Variants in TASP1 observed in about 807,000 individuals in gnomAD.
TASP1 encodes the protein taspase 1.
A neutral mutation model predicts 56.6 loss-of-function variants in TASP1; 16 were observed. The observed-to-expected ratio is 0.28, with a 90% CI of 0.19 to 0.43. TASP1 has a LOEUF of 0.43. Among genes scored for constraint, TASP1 ranks in the 20% least tolerant of loss-of-function variants. The pLI is 1.00. For synonymous variants in TASP1, 179 were observed against 184.2 expected, an observed-to-expected ratio of 0.97 and a Z score of 0.23; for missense variants, 393 against 511.6, an observed-to-expected ratio of 0.77 and a Z score of 2.24.
the TASP1 span, among the ~76,000 whole-genome samples, chr20:13,124,103 G>T: frequency 1.3e-5 from 2 of 152,304 alleles, no homozygotes; most frequent in East Asian, 3.9e-4. Flanking sequence ...ATACTCTTCA[G>T]ATATGGGGAA....
chr20:13,236,956 A>C, the TASP1 span, among the ~76,000 whole-genome samples: 12 of 152,168 alleles, frequency 7.9e-5, no homozygotes, highest in African/African-American at 2.9e-4. Flanking sequence ...CACATGGTGC[A>C]AGCTGTCGGT....
At chr20:13,300,655 C>T in the TASP1 span, 2 of 152,282 alleles carry the variant, frequency 1.3e-5, 1 homozygote, top group South Asian at 4.1e-4. Context: ...AAAGGTGTTA[C>T]CTGCATCCTT....
chr20:13,414,042 T>C (rs1006466467), intron 13 of TASP1, among the ~76,000 whole-genome samples: 14 of 152,336 alleles, frequency 9.2e-5, no homozygotes, highest in African/African-American at 3.1e-4. Context: ...ATTTTGTAAA[T>C]TGACCTAATA....
the TASP1 span, among the ~76,000 whole-genome samples, chr20:13,298,624 G>T: frequency 6.6e-6 from 1 of 152,180 alleles, no homozygotes; most frequent in Non-Finnish European, 1.5e-5. Context: ...AATATGGGTA[G>T]TCATTGTATA....
At chr20:13,531,281 G>A (rs957310577) in intron 9 of TASP1, among the ~76,000 whole-genome samples, 1 of 152,120 alleles carries the variant, frequency 6.6e-6, no homozygotes, top group Admixed American at 6.6e-5. Context: ...TAAATGGGGA[G>A]GTGGGATTAG....
chr20:13,294,010 A>C, the TASP1 span, among the ~76,000 whole-genome samples: 1 of 152,054 alleles, frequency 6.6e-6, no homozygotes, highest in South Asian at 2.1e-4. Context: ...AAAAGAAAAG[A>C]AACAGCTACA....
the TASP1 span, among the ~76,000 whole-genome samples, chr20:13,357,761 A>G: frequency 1.3e-5 from 2 of 152,246 alleles, no homozygotes; most frequent in Non-Finnish European, 2.9e-5. Flanking sequence ...GCTCAACAGT[A>G]GAATGGATTA....
At chr20:13,492,568 A>G (rs2043573086) in intron 10 of TASP1, among the ~76,000 whole-genome samples, 1 of 152,206 alleles carries the variant, frequency 6.6e-6, no homozygotes, top group East Asian at 1.9e-4. Flanking sequence ...CCTGGAACCT[A>G]TTATATACAA....
At chr20:13,300,817 C>T in the TASP1 span, among the ~76,000 whole-genome samples, 259 of 152,266 alleles carry the variant, frequency 1.7e-3, 1 homozygote, top group African/African-American at 5.8e-3. Flanking sequence ...GCACCAAAAT[C>T]GTCTACCCAA....
chr20:13,484,889 T>C (rs1242005869), intron 10 of TASP1, among the ~76,000 whole-genome samples: 4 of 152,066 alleles, frequency 2.6e-5, no homozygotes, highest in Non-Finnish European at 4.4e-5. Flanking sequence ...AACAGAAAAC[T>C]AAGCACTGCA....
the TASP1 span, among the ~76,000 whole-genome samples, chr20:13,318,208 CA>C: frequency 6.6e-6 from 1 of 151,332 alleles, no homozygotes; most frequent in African/African-American, 2.4e-5. Context: ...AGAAGATATA[CA>C]GATGGCAAAT....
chr20:13,260,564 C>T, the TASP1 span, among the ~76,000 whole-genome samples: 1 of 151,654 alleles, frequency 6.6e-6, no homozygotes, highest in Non-Finnish European at 1.5e-5. Flanking sequence ...ATCTCCCCAC[C>T]CTCAATTTGA....
intron 1 of TASP1, among the ~76,000 whole-genome samples, chr20:13,637,722 T>C (rs2049359992): frequency 6.6e-6 from 1 of 152,188 alleles, no homozygotes; most frequent in Non-Finnish European, 1.5e-5. Context: ...TTACAAGGCC[T>C]GGGAGAGAAA....
At chr20:13,537,224 A>G (rs2045452296) in intron 8 of TASP1, among the ~76,000 whole-genome samples, 1 of 152,202 alleles carries the variant, frequency 6.6e-6, no homozygotes, top group South Asian at 2.1e-4. Context: ...ACTGGATTAT[A>G]CATACATGGA....
chr20:13,383,393 A>G, the TASP1 span, among the ~76,000 whole-genome samples: 368 of 152,378 alleles, frequency 2.4e-3, 1 homozygote, highest in African/African-American at 8.7e-3. Flanking sequence ...GATTGGTTGT[A>G]GAATCACAGA....
chr20:13,379,136 T>C, the TASP1 span, among the ~76,000 whole-genome samples: 1 of 152,206 alleles, frequency 6.6e-6, no homozygotes. Context: ...GCTGGTTATT[T>C]TGCCCATTAG....
chr20:13,376,907 T>C, the TASP1 span, among the ~76,000 whole-genome samples: 47 of 152,342 alleles, frequency 3.1e-4, no homozygotes, highest in South Asian at 9.5e-3. Context: ...ATGCTTGTGA[T>C]TTTTGCACAT....
chr20:13,209,232 G>T, the TASP1 span, among the ~76,000 whole-genome samples: 2 of 152,134 alleles, frequency 1.3e-5, no homozygotes, highest in Non-Finnish European at 1.5e-5. Context: ...CTGACCTGCA[G>T]ATTTGTAAGT....
At chr20:13,402,752 C>T (rs2123662011) in intron 13 of TASP1, among the ~76,000 whole-genome samples, 1 of 152,314 alleles carries the variant, frequency 6.6e-6, no homozygotes, top group East Asian at 1.9e-4. Flanking sequence ...TAGCTGGATA[C>T]ATCCATTCAA....
Sources: gnomAD v4.1 joint callset for allele counts (sites outside exome capture counted in the v4.1 genomes callset) on GRCh38, gnomAD v4.1.1 for gene constraint, MANE v1.5 for transcripts, NCBI Gene and HGNC (gene_info 2026-07-23, HGNC 2026-07-21) for gene names.